Variants in CADPS2 observed in about 807,000 individuals in gnomAD.
CADPS2 encodes the protein calcium-dependent secretion activator 2.
A neutral mutation model predicts 172.5 loss-of-function variants in CADPS2; 93 were observed. That is an observed-to-expected ratio of 0.54 (90% confidence interval 0.46 to 0.64). The LOEUF is 0.64. Ranked by LOEUF, CADPS2 falls within the 30% of genes least tolerant of loss-of-function variation. The probability of loss-of-function intolerance (pLI) is 0.00; values close to 1 mark genes in which losing one functional copy is unlikely to be tolerated. For synonymous variants in CADPS2, 546 were observed against 555.2 expected (o/e 0.98, Z 0.23); for missense variants, 1,420 against 1,565.9 (o/e 0.91, Z 1.57).
intron 1 of CADPS2, among the ~76,000 whole-genome samples, chr7:122,883,866 C>CT (rs1266899438): frequency 6.6e-6 from 1 of 152,078 alleles, no homozygotes; most frequent in Middle Eastern, 3.4e-3. Context: ...TTGTATTTTG[C>CT]TTTTTTTGTA....
chr7:122,349,757 G>GA lies in CADPS2; in HGVS notation c.3505-4077dup, dbSNP rs551980592. Among the ~76,000 whole-genome samples, 750 of 152,206 alleles carry GA rather than the reference G, an allele frequency of 4.9e-3. 24 individuals carry two copies. The highest frequency in any genetic ancestry group is 1.9e-3 in the Admixed American group (29 of 15,282). On this transcript the variant is annotated intron_variant, in intron 27 of 29. Coordinates refer to ENST00000449022, the MANE Select transcript of CADPS2 (RefSeq NM_017954.11). ...GTAAGATGAACACGCTGTTTAAAGAGAAAAAAATTCCTTGTTAATTATATG... is the reference window on the plus strand; with the variant it reads ...GTAAGATGAACACGCTGTTTAAAGAGAAAAAAAATTCCTTGTTAATTATATG...
chr7:122,479,001 G>A (rs1161680437), intron 12 of CADPS2, among the ~76,000 whole-genome samples: 1 of 151,864 alleles, frequency 6.6e-6, no homozygotes, highest in Non-Finnish European at 1.5e-5. Context: ...TACTGCATTT[G>A]TTGCTGCTCC....
intron 1 of CADPS2, among the ~76,000 whole-genome samples, chr7:122,813,219 G>T (rs918311673): frequency 1.3e-5 from 2 of 152,068 alleles, no homozygotes; most frequent in Non-Finnish European, 2.9e-5. Context: ...CCTGCAAGAA[G>T]TAAGTCAATA....
At chr7:122,742,938 C>T (rs1180083281) in intron 1 of CADPS2, among the ~76,000 whole-genome samples, 1 of 152,140 alleles carries the variant, frequency 6.6e-6, no homozygotes, top group Non-Finnish European at 1.5e-5. Context: ...ATTATATATA[C>T]TCCTTCAGTT....
chr7:122,628,998 G>C (rs2251612), intron 4 of CADPS2, among the ~76,000 whole-genome samples: 307 of 151,766 alleles, frequency 2.0e-3, no homozygotes, highest in Middle Eastern at 0.014. Context: ...TGCTTTAAGA[G>C]AAGTCTATAA....
At chr7:122,773,906 C>T (rs908626428) in intron 1 of CADPS2, among the ~76,000 whole-genome samples, 2 of 151,984 alleles carry the variant, frequency 1.3e-5, no homozygotes, top group Non-Finnish European at 2.9e-5. Flanking sequence ...CATTTTCCTT[C>T]ACCTTGTTTG....
intron 17 of CADPS2, among the ~76,000 whole-genome samples, chr7:122,425,247 C>A (rs773877139): frequency 6.6e-6 from 1 of 151,748 alleles, no homozygotes; most frequent in Non-Finnish European, 1.5e-5. Context: ...TCCCAAAGTG[C>A]TGGGATTACA....
At chr7:122,846,322 AG>A (rs1354551317) in intron 1 of CADPS2, among the ~76,000 whole-genome samples, 2 of 152,326 alleles carry the variant, frequency 1.3e-5, no homozygotes, top group East Asian at 3.9e-4. Flanking sequence ...CTAAAGCAAA[AG>A]GTATAAATCT....
At chr7:122,388,925 G>A (rs749805141) in intron 22 of CADPS2, among the ~76,000 whole-genome samples, 187 bp from the exon 23 acceptor site, 1 of 151,890 alleles carries the variant, frequency 6.6e-6, no homozygotes, top group Non-Finnish European at 1.5e-5. Flanking sequence ...ATAAGGCAGG[G>A]CAAGGAGAAC....
At chr7:122,739,493 T>C (rs1430293427) in intron 1 of CADPS2, among the ~76,000 whole-genome samples, 2 of 152,270 alleles carry the variant, frequency 1.3e-5, no homozygotes, top group East Asian at 1.9e-4. Flanking sequence ...AATTCATGGA[T>C]ATGAATCAAG....
intron 1 of CADPS2, among the ~76,000 whole-genome samples, chr7:122,752,701 TA>T (rs2092999057): frequency 6.6e-6 from 1 of 152,018 alleles, no homozygotes; most frequent in Non-Finnish European, 1.5e-5. Context: ...TCAGTTATGG[TA>T]TTGTCTTCAG....
In CADPS2 at chr7:122,592,507, T is replaced by A. The variant is rs572009558; in HGVS notation, c.1224-11217A>T. On this transcript the variant is annotated intron_variant, in intron 6 of 29. Transcript: ENST00000449022. ...TACTGGGTATATACCCACAGGATTA[T>A]AAATCATGCTGCTATAAAGACACAT... Among the ~76,000 whole-genome samples, 58 of 152,252 alleles carry A rather than the reference T, an allele frequency of 3.8e-4. 1 individual carries two copies. The highest frequency in any genetic ancestry group is 3.4e-3 in the Middle Eastern group (1 of 294).
intron 3 of CADPS2, among the ~76,000 whole-genome samples, chr7:122,651,498 T>G (rs554689557): frequency 6.6e-6 from 1 of 152,194 alleles, no homozygotes; most frequent in African/African-American, 2.4e-5. Flanking sequence ...CAAAAACTTC[T>G]AGGGAAAAGA....
intron 1 of CADPS2, among the ~76,000 whole-genome samples, chr7:122,782,855 C>T (rs1793095310): frequency 6.6e-6 from 1 of 151,944 alleles, no homozygotes; most frequent in Non-Finnish European, 1.5e-5. Flanking sequence ...GTAAATTTGC[C>T]TTTTATTTCT....
At chr7:122,609,738 C>T (rs561698056) in intron 6 of CADPS2, among the ~76,000 whole-genome samples, 3 of 152,152 alleles carry the variant, frequency 2.0e-5, no homozygotes, top group South Asian at 4.2e-4. Context: ...TAGGTAATGG[C>T]CAGAAATCTT....
Position 122,471,571 on chromosome 7 carries a change from TA to T in CADPS2, c.1999-10del. 3 of 1,549,848 alleles carry T rather than the reference TA, an allele frequency of 1.9e-6. No individual in the cohort carries two copies. Among genetic ancestry groups the T allele is most frequent in the East Asian group, 2.4e-5 (1 of 41,804 alleles). ...CCAGGGCTAAACCATCCCTGCAAAA[TA>T]AAAAAAGAATAGATATACATGTTTT... is the stretch of plus-strand genomic sequence containing the variant. On this transcript the variant is annotated splice_polypyrimidine_tract_variant and intron_variant, in intron 13 of 29. Coordinates refer to ENST00000449022, the MANE Select transcript of CADPS2 (RefSeq NM_017954.11).
chr7:122,656,508 T>A (rs2079814263), intron 3 of CADPS2, among the ~76,000 whole-genome samples: 1 of 152,096 alleles, frequency 6.6e-6, no homozygotes. Context: ...GAATGAAGAA[T>A]ATGGTAGTAG....
intron 3 of CADPS2, among the ~76,000 whole-genome samples, chr7:122,643,328 A>T (rs1380870969): frequency 6.6e-6 from 1 of 152,244 alleles, no homozygotes; most frequent in Non-Finnish European, 1.5e-5. Flanking sequence ...TTTACAATAA[A>T]GATAGAGCAT....
intron 8 of CADPS2, among the ~76,000 whole-genome samples, chr7:122,549,327 T>C (rs1285151210): frequency 4.6e-5 from 7 of 152,130 alleles, no homozygotes; most frequent in African/African-American, 1.7e-4. Context: ...TAGTTACCAC[T>C]GCACTAATTA....
Sources: gnomAD v4.1 joint callset for allele counts (sites outside exome capture counted in the v4.1 genomes callset) on GRCh38, gnomAD v4.1.1 for gene constraint, MANE v1.5 for transcripts, NCBI Gene and HGNC (gene_info 2026-07-23, HGNC 2026-07-21) for gene names.